Variants in RBFOX1 observed in about 807,000 individuals in gnomAD.
RBFOX1 encodes the protein RNA binding fox-1 homolog 1.
A neutral mutation model predicts 57.7 loss-of-function variants in RBFOX1; 8 were observed. The ratio of observed to expected loss-of-function variants is 0.14; its 90% CI spans 0.08 to 0.25. The LOEUF (loss-of-function observed/expected upper bound fraction) is 0.25, where lower values mean the gene tolerates loss of function less well. Among genes scored for constraint, RBFOX1 ranks in the 10% least tolerant of loss-of-function variants. RBFOX1 has a pLI of 1.00. For synonymous variants in RBFOX1, 326 were observed against 222.4 expected (o/e 1.47, Z -4.15); for missense variants, 611 against 548.5 (o/e 1.11, Z -1.14).
chr16:5,877,665 C>T lies in RBFOX1; in HGVS notation c.351+10330C>T, dbSNP rs184261323. On this transcript the variant is annotated intron_variant, in intron 4 of 19. Transcript: ENST00000641259. ...GTAGCAGCAGAGGGACTGCTCCTTC[C>T]TGAGCAGGGCTACCCTGAAGGGAGT... is the stretch of plus-strand genomic sequence containing the variant. 3.6e-3 allele frequency among the ~76,000 whole-genome samples: 548 copies of T among 152,358 alleles called. 1 individual carries two copies. Among genetic ancestry groups the T allele is most frequent in the Non-Finnish European group, 6.2e-3 (425 of 68,040 alleles).
At chr16:6,011,157 C>T (rs180676861) in intron 4 of RBFOX1, among the ~76,000 whole-genome samples, 7 of 152,192 alleles carry the variant, frequency 4.6e-5, no homozygotes, top group Admixed American at 1.3e-4. Flanking sequence ...ATAGAGGGAA[C>T]ATTTTCGCCC....
chr16:6,975,339 C>G (rs546958051), intron 3 of RBFOX1, among the ~76,000 whole-genome samples: 2 of 152,144 alleles, frequency 1.3e-5, no homozygotes, highest in East Asian at 1.9e-4. Context: ...AATATCAGCT[C>G]ACTGCAATCT....
chr16:6,240,073 G>A (rs1425297410), intron 1 of RBFOX1, among the ~76,000 whole-genome samples: 2 of 152,016 alleles, frequency 1.3e-5, no homozygotes, highest in Non-Finnish European at 2.9e-5. Flanking sequence ...TCATTTAAAC[G>A]CATCTCGCTC....
chr16:6,557,924 T>C (rs1192445517), intron 2 of RBFOX1, among the ~76,000 whole-genome samples: 1 of 152,172 alleles, frequency 6.6e-6, no homozygotes, highest in Non-Finnish European at 1.5e-5. Flanking sequence ...ATATACTGCT[T>C]ATGGCATGCC....
intron 3 of RBFOX1, among the ~76,000 whole-genome samples, chr16:6,862,570 C>T (rs965761103): frequency 6.6e-6 from 1 of 152,116 alleles, no homozygotes; most frequent in East Asian, 1.9e-4. Context: ...AAGAGATTTC[C>T]AGGAAGAAAA....
intron 3 of RBFOX1, among the ~76,000 whole-genome samples, chr16:6,966,785 A>ATCTGTCTG (rs1188405696): frequency 1.1e-3 from 58 of 53,952 alleles, no homozygotes; most frequent in African/African-American, 2.9e-3. Flanking sequence ...CTATCTATCT[A>ATCTGTCTG]TCTATCTGTC....
At chr16:6,701,787 C>T (rs9806919) in intron 3 of RBFOX1, among the ~76,000 whole-genome samples, 15,924 of 152,196 alleles carry the variant, frequency 0.1, 1,021 homozygotes, top group African/African-American at 0.18. Flanking sequence ...AGAATGAAAT[C>T]GTGTCCTTTG....
In RBFOX1 at chr16:7,370,456, A is replaced by C. The variant is rs545677229; in HGVS notation, c.28-147691A>C. ...CCAGGAATCACTGTATTTGTCAATC[A>C]AAGCGATCTTTGTTTTTTATCAACG... is the stretch of plus-strand genomic sequence containing the variant. On this transcript the variant is annotated intron_variant, in intron 4 of 15. Coordinates refer to ENST00000550418, the MANE Select transcript of RBFOX1 (RefSeq NM_018723.4). Among the ~76,000 whole-genome samples, 5 of 152,286 alleles carry C rather than the reference A, an allele frequency of 3.3e-5. No homozygotes were observed. In the South Asian group the frequency reaches 1.0e-3, roughly 32 times the overall value.
intron 1 of RBFOX1, among the ~76,000 whole-genome samples, chr16:5,413,024 C>T (rs1206033666): frequency 6.6e-6 from 1 of 152,154 alleles, no homozygotes; most frequent in African/African-American, 2.4e-5. Context: ...TGGATGAAGC[C>T]ACTCTGGCAT....
chr16:6,072,488 C>G (rs1054472853), intron 1 of RBFOX1, among the ~76,000 whole-genome samples: 1 of 152,114 alleles, frequency 6.6e-6, no homozygotes, highest in Non-Finnish European at 1.5e-5. Context: ...TGCTGGATCA[C>G]CTGGTAATCA....
intron 2 of RBFOX1, among the ~76,000 whole-genome samples, chr16:6,503,557 G>A (rs960049059): frequency 6.6e-6 from 1 of 152,166 alleles, no homozygotes; most frequent in Non-Finnish European, 1.5e-5. Flanking sequence ...ACACATACTT[G>A]GTGATTTGCT....
At chr16:5,592,723 G>A (rs1229132310) in intron 2 of RBFOX1, among the ~76,000 whole-genome samples, 2 of 152,220 alleles carry the variant, frequency 1.3e-5, no homozygotes, top group Non-Finnish European at 2.9e-5. Context: ...AGTCTCTGAG[G>A]TGTGGTGGAA....
intron 2 of RBFOX1, among the ~76,000 whole-genome samples, chr16:5,471,742 A>C (rs2069143706): frequency 6.6e-6 from 1 of 152,120 alleles, no homozygotes; most frequent in African/African-American, 2.4e-5. Flanking sequence ...CAGTGGCAAT[A>C]ATTCTCTGAC....
intron 4 of RBFOX1, among the ~76,000 whole-genome samples, chr16:5,989,042 C>G (rs891035582): frequency 6.6e-6 from 1 of 152,006 alleles, no homozygotes; most frequent in African/African-American, 2.4e-5. Flanking sequence ...AATTACAAGC[C>G]AGGCGCGGTG....
intron 3 of RBFOX1, among the ~76,000 whole-genome samples, chr16:6,986,930 C>T (rs1184992405): frequency 6.6e-6 from 1 of 152,152 alleles, no homozygotes; most frequent in Non-Finnish European, 1.5e-5. Flanking sequence ...CCCTTGCTCA[C>T]CTGCCCACCC....
rs941415759 is a variant in RBFOX1 at position 6,938,719 on chromosome 16, A to G, written c.-15-113338A>G. 2.0e-5 allele frequency among the ~76,000 whole-genome samples: 3 copies of G among 152,134 alleles called. No homozygotes were observed. In the East Asian group the frequency reaches 5.8e-4, roughly 30 times the overall value. On this transcript the variant is annotated intron_variant, in intron 3 of 15. Coordinates refer to ENST00000550418, the MANE Select transcript of RBFOX1 (RefSeq NM_018723.4). ...CCAGGCTGGTCTCGAATCACTTGAGATCAGAAGTTTGAAACCAGTTTGGCT... is the reference window on the plus strand; with the variant it reads ...CCAGGCTGGTCTCGAATCACTTGAGGTCAGAAGTTTGAAACCAGTTTGGCT...
intron 3 of RBFOX1, among the ~76,000 whole-genome samples, chr16:6,787,232 A>G (rs1794933500): frequency 6.6e-6 from 1 of 152,130 alleles, no homozygotes; most frequent in Admixed American, 6.5e-5. Context: ...AGCAGGCAGC[A>G]TTCTCTATGC....
chr16:5,719,368 ATT>A (rs543029084), intron 3 of RBFOX1, among the ~76,000 whole-genome samples: 14,976 of 142,812 alleles, frequency 0.1, 2,582 homozygotes, highest in African/African-American at 0.36. Context: ...TGCCCGGCTA[ATT>A]TTTTTTTTTT....
intron 14 of RBFOX1, among the ~76,000 whole-genome samples, chr16:7,699,719 TAAA>T (rs1332210270): frequency 2.0e-5 from 3 of 152,030 alleles, no homozygotes; most frequent in Non-Finnish European, 4.4e-5. Flanking sequence ...CTGGAGAAAA[TAAA>T]AATGAGTTCA....
Sources: allele counts gnomAD v4.1 joint callset (sites outside exome capture counted in the v4.1 genomes callset), GRCh38; gene constraint gnomAD v4.1.1; transcripts MANE v1.5; gene names NCBI Gene and HGNC (gene_info 2026-07-23, HGNC 2026-07-21).